AGRN: variants seen among roughly 807,000 people sequenced by gnomAD.
AGRN encodes the protein agrin proteoglycan.
Under a neutral mutation model 211.0 loss-of-function variants are expected in AGRN, and 106 were observed. That is an observed-to-expected ratio of 0.50 (90% CI 0.43 to 0.59). AGRN has a LOEUF of 0.59. AGRN is among the 20% of genes least tolerant of loss of function. The probability of loss-of-function intolerance (pLI) is 0.00; values close to 1 mark genes in which losing one functional copy is unlikely to be tolerated. For synonymous variants in AGRN, 1,525 were observed against 1,332.5 expected, an observed-to-expected ratio of 1.14 and a Z score of -3.15; for missense variants, 3,040 against 2,982.6, an observed-to-expected ratio of 1.02 and a Z score of -0.45.
chr1:1,051,364 C>A lies in AGRN; in HGVS notation c.5365C>A (p.Gln1789Lys). ...GTCCTCTGGCTTCGACGGTGCCATC[C>A]AGCTGGTATGTGGGGGCGGGGCGTC... ...AVSSGFDGAI[Q>K]LVSLGGRQLL... The change falls in exon 31 of 36, where the codon CAG becomes AAG. Residue 1789 changes from glutamine to lysine, a missense_variant. Transcript: ENST00000379370. 1 of 1,564,358 alleles carries A rather than the reference C, an allele frequency of 6.4e-7. No homozygotes were observed. The highest frequency in any genetic ancestry group is 8.7e-7 in the Non-Finnish European group (1 of 1,155,820).
chr1:1,039,825 A>T (rs900160842), intron 3 of AGRN, among the ~76,000 whole-genome samples: 1 of 127,346 alleles, frequency 7.9e-6, no homozygotes, highest in Non-Finnish European at 1.7e-5. Context: ...CCCAGGGAGG[A>T]GGGGGCGTGT....
In AGRN at chr1:1,054,734, G is replaced by A. The variant is rs963299826; in HGVS notation, c.5981-90G>A. ...GTGGGGCCGGGAGGCGGGTGCCCAGGTGTGGGCCCCCTGCTGGTCACCTGC... is the reference window on the plus strand; with the variant it reads ...GTGGGGCCGGGAGGCGGGTGCCCAGATGTGGGCCCCCTGCTGGTCACCTGC... On this transcript the variant is annotated intron_variant, in intron 35 of 35. Coordinates refer to ENST00000379370, the MANE Select transcript of AGRN (RefSeq NM_198576.4). 8.6e-6 allele frequency: 13 copies of A among 1,513,660 alleles called. No individual in the cohort carries two copies. In the African/African-American group the frequency reaches 1.7e-4, roughly 19 times the overall value. 93.8% of individuals were successfully genotyped at this position (1,513,660 alleles called of 1,614,324 possible).
rs202090219 is a variant in AGRN at position 1,043,865 on chromosome 1, C to T, written c.1841C>T (p.Ser614Phe). Residue 614 changes from serine to phenylalanine, a missense_variant, in exon 10 of 36, where the codon TCC (serine) becomes TTC (phenylalanine). Ser to Phe is a radical substitution (Grantham distance 155). Coordinates refer to ENST00000379370, the MANE Select transcript of AGRN (RefSeq NM_198576.4). ...GTGTGTGCTTTTGGGGCTGTGTGCT[C>T]CGCAGGGCAGTGTGTGTGTCCCCGG... ...DAVCAFGAVC[S>F]AGQCVCPRCE... 8.7e-6 allele frequency: 14 copies of T among 1,611,384 alleles called. No individual in the cohort carries two copies. The highest frequency in any genetic ancestry group is 1.3e-5 in the African/African-American group (1 of 74,884).
chr1:1,043,361 G>A lies in AGRN; in HGVS notation c.1507G>A (p.Gly503Ser), dbSNP rs776919703. The A allele has an allele frequency of 9.3e-6, 15 of 1,609,734 alleles. No homozygotes were observed. The highest frequency in any genetic ancestry group is 2.2e-5 in the East Asian group (1 of 44,720). ...CTCGAGCCTCTACGATCCTGTGTGC[G>A]GCAGCGACGGCGTCACATACGGCAG... ...ACSSLYDPVC[G>S]SDGVTYGSAC... is the part of the protein sequence containing the mutation. Residue 503 changes from glycine (G) to serine (S), a missense_variant, in exon 8 of 36, where the codon GGC (glycine) becomes AGC (serine). Coordinates refer to ENST00000379370, the MANE Select transcript of AGRN (RefSeq NM_198576.4).
At chr1:1,041,433 TG>T in intron 5 of AGRN, 36 bp downstream of exon 5, 2 of 1,551,614 alleles carry the variant, frequency 1.3e-6, no homozygotes, top group South Asian at 1.2e-5. Context: ...TCGAGCTCTG[TG>T]GGCGCGCGGC....
At chr1:1,039,296 C>T (rs1644872194) in intron 3 of AGRN, among the ~76,000 whole-genome samples, 1 of 151,568 alleles carries the variant, frequency 6.6e-6, no homozygotes, top group Admixed American at 6.6e-5. Context: ...GGCCCTCACT[C>T]AGCCTTCTGG....
chr1:1,048,106 T>G lies in AGRN; in HGVS notation c.3846T>G (p.Ser1282=). Reference sequence around the variant, plus strand: ...CCACTGCATCGCGCCTGCCGTCCTCTGCTGTGACCCCTCGGGCCCCGCACC... The same window carrying G: ...CCACTGCATCGCGCCTGCCGTCCTCGGCTGTGACCCCTCGGGCCCCGCACC... ...RATTASRLPS[S]AVTPRAPHPS... The change falls in exon 23 of 36, where the codon TCT becomes TCG. Residue 1282 remains serine, a synonymous_variant. Transcript: ENST00000379370. The surrounding 1 kb of genome is among the most constrained non-coding windows in gnomAD (Gnocchi z 5.9). 6.4e-7 allele frequency: 1 copy of G among 1,570,576 alleles called. No individual in the cohort carries two copies. Among genetic ancestry groups the G allele is most frequent in the Non-Finnish European group, 8.6e-7 (1 of 1,165,818 alleles).
At chr1:1,022,774 G>A (rs1644437538) in intron 2 of AGRN, among the ~76,000 whole-genome samples, 1 of 152,244 alleles carries the variant, frequency 6.6e-6, no homozygotes, top group African/African-American at 2.4e-5. Context: ...CTAGGGAGAA[G>A]CTGGACAGGT....
At chr1:1,034,358 C>T in intron 2 of AGRN, 7 of 985,536 alleles carry the variant, frequency 7.1e-6, no homozygotes, top group Non-Finnish European at 8.4e-6. Flanking sequence ...TTCTGCCCTC[C>T]TCCCACGATG....
rs1557702495 is a variant in AGRN at position 1,042,101 on chromosome 1, G to GCGGCAGCAGGCTGAGTGC, written c.1333_1350dup (p.Ala445_Gln450dup). 1 of 1,603,108 alleles carries GCGGCAGCAGGCTGAGTGC rather than the reference G, an allele frequency of 6.2e-7. No homozygotes were observed. The highest frequency in any genetic ancestry group is 8.5e-7 in the Non-Finnish European group (1 of 1,178,660). The stretch of plus-strand genomic sequence containing the variant: ...GGCGCACGTATGACAGTGATTGCTG[G>GCGGCAGCAGGCTGAGTGC]CGGCAGCAGGCTGAGTGCCGGCAGC... On this transcript the variant is annotated inframe_insertion, in exon 7 of 36. Coordinates refer to ENST00000379370, the MANE Select transcript of AGRN (RefSeq NM_198576.4).
chr1:1,044,710 T>C (rs1301034328), intron 12 of AGRN, among the ~76,000 whole-genome samples: 2 of 152,170 alleles, frequency 1.3e-5, no homozygotes, highest in Non-Finnish European at 2.9e-5. Context: ...GTGGGCACTT[T>C]CTCTGCATAC....
chr1:1,027,462 G>A (rs992427037), intron 2 of AGRN, among the ~76,000 whole-genome samples: 3 of 152,144 alleles, frequency 2.0e-5, no homozygotes, highest in Non-Finnish European at 4.4e-5. Context: ...CTCTGTCCTC[G>A]TGCACGTGTC....
chr1:1,051,975 T>C, intron 33 of AGRN, 160 bp downstream of exon 33: 1 of 1,546,004 alleles, frequency 6.5e-7, no homozygotes, highest in Non-Finnish European at 8.7e-7. Context: ...TCTCACTGTC[T>C]GTCTCTTTGT....
intron 34 of AGRN, 91 bp downstream of exon 34, chr1:1,054,068 T>C: frequency 7.2e-7 from 1 of 1,396,688 alleles, no homozygotes; most frequent in Non-Finnish European, 9.9e-7. Context: ...TGACCAGGGG[T>C]CAGGGAGGAC....
chr1:1,045,172 G>T lies in AGRN; in HGVS notation c.2266G>T (p.Ala756Ser), dbSNP rs140764403. Reference protein sequence around the residue: ...AQGACRGPTFAPLPPVAPLHC... With the variant: ...AQGACRGPTFSPLPPVAPLHC... ...ACCCTTTCCTGCAGGCCCCACCTTC[G>T]CCCCGCTGCCGCCTGTGGCCCCCTT... The change falls in exon 13 of 36, where the codon GCC becomes TCC. Residue 756 changes from alanine (A) to serine (S), a missense_variant. Ala to Ser is a moderately conservative substitution (Grantham distance 99). This residue lies in a region of AGRN where 1,498 missense variants were observed against 1,457.8 expected (regional missense o/e 1.03). Transcript: ENST00000379370. 4 of 1,612,272 alleles carry T rather than the reference G, an allele frequency of 2.5e-6. No homozygotes were observed. Among genetic ancestry groups the T allele is most frequent in the Non-Finnish European group, 3.4e-6 (4 of 1,179,946 alleles).
At chr1:1,020,409 G>T in intron 1 of AGRN, 36 bp downstream of exon 1, 2 of 1,480,418 alleles carry the variant, frequency 1.4e-6, no homozygotes, top group Non-Finnish European at 9.0e-7. Context: ...CCCTCGCGAC[G>T]CCTGCCGCCC....
In AGRN at chr1:1,048,110, G is replaced by T; in HGVS notation, c.3850G>T (p.Val1284Leu). Residue 1284 changes from valine to leucine, a missense_variant, in exon 23 of 36, where the codon GTG becomes TTG. Val to Leu is a conservative substitution (Grantham distance 32, BLOSUM62 1). Transcript: ENST00000379370. This position sits in a 1 kb window ranked among gnomAD's most constrained non-coding sequence, Gnocchi z 5.9. ...TTASRLPSSAVTPRAPHPSHT... is the reference protein window; with the variant it reads ...TTASRLPSSALTPRAPHPSHT... ...TGCATCGCGCCTGCCGTCCTCTGCT[G>T]TGACCCCTCGGGCCCCGCACCCCAG... 6.4e-7 allele frequency: 1 copy of T among 1,568,646 alleles called. No homozygotes were observed. Among genetic ancestry groups the T allele is most frequent in the Non-Finnish European group, 8.6e-7 (1 of 1,164,894 alleles).
At chr1:1,050,925 G>T in intron 30 of AGRN, 88 bp downstream of exon 30, 1 of 1,534,950 alleles carries the variant, frequency 6.5e-7, no homozygotes. Context: ...CGCTCACGGA[G>T]CTGTTTTTCT....
rs993250250 is a variant in AGRN, at chr1:1,032,995, G to A, written c.464-2282G>A. 1.3e-5 allele frequency among the ~76,000 whole-genome samples: 2 copies of A among 152,076 alleles called. No individual in the cohort carries two copies. The highest frequency in any genetic ancestry group is 2.9e-5 in the Non-Finnish European group (2 of 67,986). On this transcript the variant is annotated intron_variant, in intron 2 of 35. Transcript: ENST00000379370. The surrounding 1 kb of genome is among the most constrained non-coding windows in gnomAD (Gnocchi z 4.7). The stretch of plus-strand genomic sequence containing the variant: ...GGGAGAGGGGCGACCTACGGGGGCG[G>A]GTGTGGGGACGCCGGACTACGCGTC...
Sources: allele counts gnomAD v4.1 joint callset (sites outside exome capture counted in the v4.1 genomes callset), GRCh38; gene constraint gnomAD v4.1.1; regional missense constraint gnomAD v4.1.1; non-coding constraint Gnocchi (gnomAD v3.1); transcripts MANE v1.5; gene names NCBI Gene and HGNC (gene_info 2026-07-23, HGNC 2026-07-21).